Variants in OSBPL6 observed in about 807,000 individuals in gnomAD.
OSBPL6 encodes the protein oxysterol-binding protein-related protein 6.
A neutral mutation model predicts 125.8 loss-of-function variants in OSBPL6; 49 were observed. That is an observed-to-expected ratio of 0.39 (90% CI 0.31 to 0.49). OSBPL6 has a LOEUF of 0.49. Ranked by LOEUF, OSBPL6 falls within the 20% of genes least tolerant of loss-of-function variation. The pLI, the probability that OSBPL6 is intolerant of heterozygous loss-of-function variation, is 0.88. For missense variants in OSBPL6, 986 were observed against 1,135.4 expected, an observed-to-expected ratio of 0.87 and a Z score of 1.89; for synonymous variants, 394 against 391.8, an observed-to-expected ratio of 1.01 and a Z score of -0.07.
intron 13 of OSBPL6, among the ~76,000 whole-genome samples, chr2:178,371,908 C>T (rs1391374911): frequency 6.6e-6 from 1 of 152,116 alleles, no homozygotes; most frequent in East Asian, 1.9e-4. Context: ...TTTCAGCCCA[C>T]CAATCTGCAA....
intron 1 of OSBPL6, among the ~76,000 whole-genome samples, chr2:178,264,827 G>A (rs566086732): frequency 3.9e-5 from 6 of 151,924 alleles, no homozygotes; most frequent in South Asian, 2.1e-4. Context: ...AAAAATTCAC[G>A]TGTGTTTCTA....
intron 1 of OSBPL6, among the ~76,000 whole-genome samples, chr2:178,231,120 C>A (rs1030125798): frequency 7.2e-5 from 11 of 151,898 alleles, no homozygotes; most frequent in African/African-American, 2.7e-4. Context: ...GAAGGGTGTC[C>A]AAAAATGGGA....
chr2:178,389,355 C>A (rs1379173158), intron 21 of OSBPL6, among the ~76,000 whole-genome samples: 5 of 152,090 alleles, frequency 3.3e-5, no homozygotes, highest in African/African-American at 1.2e-4. Flanking sequence ...TCAAAAAAGG[C>A]ATCATCTAAA....
intron 1 of OSBPL6, among the ~76,000 whole-genome samples, chr2:178,200,226 C>T (rs988486155): frequency 2.7e-5 from 4 of 147,658 alleles, no homozygotes; most frequent in Non-Finnish European, 5.9e-5. Context: ...TGCAAGCAAG[C>T]AAGGTTCTGT....
In OSBPL6 at chr2:178,291,792, G is replaced by GCTATCCATCCAT. The variant is rs1553543926; in HGVS notation, c.-156+6672_-156+6673insTATCCATCCATC. Reference sequence around the variant, plus strand: ...TCCTTCCCTGTTTTCCTTCCTGCCTGCCATCCATCCATCCATCCATCCATC... The same window carrying GCTATCCATCCAT: ...TCCTTCCCTGTTTTCCTTCCTGCCTGCTATCCATCCATCCATCCATCCATCCATCCATCCATC... On this transcript the variant is annotated intron_variant, in intron 2 of 24. Coordinates refer to ENST00000190611, the MANE Select transcript of OSBPL6 (RefSeq NM_032523.4). Among the ~76,000 whole-genome samples, 5 of 116,726 alleles carry GCTATCCATCCAT rather than the reference G, an allele frequency of 4.3e-5. No individual in the cohort carries two copies. The East Asian group carries it at 2.0e-3, about 46-fold the overall frequency. The allele number at this position is 116,726 out of a possible 152,430, so 76.6% of individuals were successfully genotyped here.
chr2:178,319,856 TG>T (rs1688082535), intron 3 of OSBPL6, among the ~76,000 whole-genome samples: 1 of 152,224 alleles, frequency 6.6e-6, no homozygotes, highest in African/African-American at 2.4e-5. Flanking sequence ...TATTTTTCTT[TG>T]AAAATATTTT....
At chr2:178,299,856 G>A (rs1686125199) in intron 2 of OSBPL6, among the ~76,000 whole-genome samples, 1 of 152,150 alleles carries the variant, frequency 6.6e-6, no homozygotes. Flanking sequence ...TCCACATCAA[G>A]GATGAGGGTT....
intron 1 of OSBPL6, among the ~76,000 whole-genome samples, chr2:178,203,679 C>A (rs1225147846): frequency 6.6e-6 from 1 of 152,120 alleles, no homozygotes; most frequent in African/African-American, 2.4e-5. Flanking sequence ...TTTTTGCATT[C>A]CTGTAAATGT....
chr2:178,228,627 G>A (rs183507695), intron 1 of OSBPL6, among the ~76,000 whole-genome samples: 2 of 152,274 alleles, frequency 1.3e-5, no homozygotes, highest in East Asian at 3.9e-4. Context: ...AGTGAAATTA[G>A]TTTTAACAGT....
At chr2:178,202,154 T>C (rs906210277) in intron 1 of OSBPL6, among the ~76,000 whole-genome samples, 2 of 152,216 alleles carry the variant, frequency 1.3e-5, no homozygotes, top group African/African-American at 4.8e-5. Context: ...GTTTGAAAAG[T>C]TATCTTTTAA....
chr2:178,383,267 A>G lies in OSBPL6; in HGVS notation c.1865A>G (p.Tyr622Cys). 6.2e-7 allele frequency: 1 copy of G among 1,614,070 alleles called. No homozygotes were observed. The highest frequency in any genetic ancestry group is 8.5e-7 in the Non-Finnish European group (1 of 1,179,996). ...LDKASETDDP[Y>C]ERMVLVAAFA... ...AAGGCTTCGGAAACTGATGATCCAT[A>G]TGAGCGCATGGTAATAAATAACTAA... Residue 622 changes from tyrosine (Y) to cysteine (C), a missense_variant, in exon 17 of 25, where the codon TAT becomes TGT. Transcript: ENST00000190611.
chr2:178,333,919 AAT>A (rs1421694753), intron 8 of OSBPL6, among the ~76,000 whole-genome samples: 1 of 152,162 alleles, frequency 6.6e-6, no homozygotes, highest in Non-Finnish European at 1.5e-5. Flanking sequence ...GACAGTAAAA[AAT>A]TTGTCCAGAA....
upstream of OSBPL6, chr2:178,194,416 C>A (rs921317035): frequency 6.6e-6 from 1 of 151,958 alleles, no homozygotes; most frequent in African/African-American, 2.4e-5. Flanking sequence ...GGCGGGGAAC[C>A]CGGAGCGCCG....
intron 13 of OSBPL6, among the ~76,000 whole-genome samples, chr2:178,367,828 C>T (rs1285964173): frequency 1.3e-5 from 2 of 152,156 alleles, no homozygotes; most frequent in African/African-American, 2.4e-5. Context: ...AAACCTGCTG[C>T]GTGAAGAATC....
At position 178,256,822 on chromosome 2, in the gene OSBPL6, G is replaced by C. The variant is rs1439259184; in HGVS notation, c.-350-28105G>C. 5.9e-5 allele frequency among the ~76,000 whole-genome samples: 9 copies of C among 152,160 alleles called. No individual in the cohort carries two copies. The East Asian group carries it at 1.4e-3, about 23-fold the overall frequency. On this transcript the variant is annotated intron_variant, in intron 1 of 24. Coordinates refer to ENST00000190611, the MANE Select transcript of OSBPL6 (RefSeq NM_032523.4). Reference sequence around the variant, plus strand: ...GCATGCCTAACTCACTTTGAAATTTGAGCCAGCTACAGCACACCAGGCCAG... The same window carrying C: ...GCATGCCTAACTCACTTTGAAATTTCAGCCAGCTACAGCACACCAGGCCAG...
At chr2:178,355,789 GAGAATTTT>G (rs1338508899) in intron 12 of OSBPL6, among the ~76,000 whole-genome samples, 5 of 152,216 alleles carry the variant, frequency 3.3e-5, no homozygotes, top group Non-Finnish European at 7.3e-5. Flanking sequence ...AACAAAAAAA[GAGAATTTT>G]AGACCAATAT....
At chr2:178,334,301 G>A (rs1201758372) in intron 8 of OSBPL6, among the ~76,000 whole-genome samples, 1 of 152,128 alleles carries the variant, frequency 6.6e-6, no homozygotes, top group Non-Finnish European at 1.5e-5. Context: ...TTCCAATGAA[G>A]ATTCTGCTTT....
intron 1 of OSBPL6, among the ~76,000 whole-genome samples, chr2:178,236,048 T>G (rs2091040387): frequency 6.6e-6 from 1 of 152,216 alleles, no homozygotes; most frequent in South Asian, 2.1e-4. Flanking sequence ...TTAGACTTTT[T>G]TTTTACAAGT....
Position 178,374,011 on chromosome 2 carries a change from G to A in OSBPL6, c.1517G>A (p.Ser506Asn), listed in dbSNP as rs901678704. 1.9e-6 allele frequency: 3 copies of A among 1,614,032 alleles called. No individual in the cohort carries two copies. The highest frequency in any genetic ancestry group is 2.5e-6 in the Non-Finnish European group (3 of 1,179,936). The stretch of plus-strand genomic sequence containing the variant: ...GCCCAAGAGGTGCTCCTCTCTGCAA[G>A]TTCGTCAGAGAATGAGGTATGTATG... ...FDAQEVLLSA[S>N]SSENEASDDE... The change falls in exon 15 of 25, where the codon AGT becomes AAT. Residue 506 changes from serine (S) to asparagine (N), a missense_variant. Coordinates refer to ENST00000190611, the MANE Select transcript of OSBPL6 (RefSeq NM_032523.4).
Sources: allele counts gnomAD v4.1 joint callset (sites outside exome capture counted in the v4.1 genomes callset), GRCh38; gene constraint gnomAD v4.1.1; transcripts MANE v1.5; gene names NCBI Gene and HGNC (gene_info 2026-07-23, HGNC 2026-07-21).